The following TJP3 variants were observed in gnomAD, a reference collection of about 807,000 sequenced individuals.
The protein encoded by TJP3 is tight junction protein 3, also known as tight junction protein ZO-3.
TJP3 carries 85 observed loss-of-function variants against 104.2 expected under a neutral mutation model. The observed-to-expected ratio is 0.82, with a 90% confidence interval of 0.68 to 0.98. The LOEUF (loss-of-function observed/expected upper bound fraction) is 0.98. Ranked by LOEUF, TJP3 falls within the 50% of genes least tolerant of loss-of-function variation. TJP3 has a pLI of 0.00. For missense variants in TJP3, 1,367 were observed against 1,322.8 expected (o/e 1.03, Z -0.52); for synonymous variants, 550 against 550.6 (o/e 1.00, Z 0.02).
intron 1 of TJP3, among the ~76,000 whole-genome samples, chr19:3,721,353 A>G (rs970910579): frequency 1.3e-5 from 2 of 152,152 alleles, no homozygotes; most frequent in Non-Finnish European, 2.9e-5. Context: ...AATGGGGCAA[A>G]CCTTCCAGAG....
Position 3,747,955 on chromosome 19 carries a change from G to GT in TJP3, c.2484_2485insT (p.Pro829SerfsTer7). ...AGGGCTACACAGACGGCGAGGGGGGGCCCTACACGGATGTGGATGATGAGC... is the reference window on the plus strand; with the variant it reads ...AGGGCTACACAGACGGCGAGGGGGGGTCCCTACACGGATGTGGATGATGAGC... On this transcript the variant is annotated frameshift_variant, in exon 19 of 21. Transcript: ENST00000541714. LOFTEE classifies it high-confidence loss of function. The GT allele has an allele frequency of 1.2e-6, 2 of 1,612,964 alleles. No individual in the cohort carries two copies. Among genetic ancestry groups the GT allele is most frequent in the Non-Finnish European group, 1.7e-6 (2 of 1,179,848 alleles).
At chr19:3,741,146 G>A (rs1402280148) in intron 14 of TJP3, among the ~76,000 whole-genome samples, 1 of 151,790 alleles carries the variant, frequency 6.6e-6, no homozygotes, top group Non-Finnish European at 1.5e-5. Context: ...GATTACAGGC[G>A]CCCATCACCC....
intron 13 of TJP3, among the ~76,000 whole-genome samples, chr19:3,740,221 ACT>A (rs1183115215): frequency 1.3e-5 from 2 of 151,760 alleles, no homozygotes; most frequent in South Asian, 2.1e-4. Context: ...ACGGAGCGAG[ACT>A]CTATCTCAAA....
chr19:3,746,550 C>A lies in TJP3; in HGVS notation c.2076C>A (p.Tyr692Ter). The change falls in exon 17 of 21, where the codon TAC becomes TAA. Residue 692 changes from tyrosine to a stop codon, truncating the protein, a stop_gained. Coordinates refer to ENST00000541714, the MANE Select transcript of TJP3 (RefSeq NM_001267560.2). LOFTEE classifies it high-confidence loss of function. The surrounding 1 kb of genome is among the most constrained non-coding windows in gnomAD (Gnocchi z 4.1). ...AGCGCCTCAACTATGTGCAGTACTA[C>A]CCCATTGTGGTCTTCTTCATCCCCG... ...AIERLNYVQYYPIVVFFIPES... is the reference protein window; with the variant it reads ...AIERLNYVQY 1 of 1,614,122 alleles carries A rather than the reference C, an allele frequency of 6.2e-7. No individual in the cohort carries two copies. Among genetic ancestry groups the A allele is most frequent in the Non-Finnish European group, 8.5e-7 (1 of 1,180,042 alleles).
At chr19:3,717,940 G>A (rs1186913788) in intron 1 of TJP3, among the ~76,000 whole-genome samples, 1 of 150,932 alleles carries the variant, frequency 6.6e-6, no homozygotes, top group South Asian at 2.1e-4. Context: ...AAAAGGCCGG[G>A]CACGATGGCT....
intron 1 of TJP3, among the ~76,000 whole-genome samples, chr19:3,724,221 A>C (rs889770434): frequency 8.1e-5 from 12 of 149,020 alleles, no homozygotes; most frequent in African/African-American, 3.0e-4. Context: ...TTTGAGACGG[A>C]GTTTCCCTCT....
chr19:3,734,965 A>T (rs2036719931), intron 8 of TJP3, among the ~76,000 whole-genome samples: 1 of 151,924 alleles, frequency 6.6e-6, no homozygotes, highest in African/African-American at 2.4e-5. Context: ...AAAAAAAAAA[A>T]TTTCTTTTTC....
intron 1 of TJP3, among the ~76,000 whole-genome samples, chr19:3,714,036 C>T (rs968265361): frequency 1.4e-5 from 2 of 147,202 alleles, no homozygotes; most frequent in African/African-American, 5.0e-5. Flanking sequence ...ATTATTATTA[C>T]TATTATTTAA....
Position 3,730,228 on chromosome 19 carries a change from C to T in TJP3, c.261+98C>T. 1.3e-6 allele frequency: 2 copies of T among 1,521,264 alleles called. No individual in the cohort carries two copies. The highest frequency in any genetic ancestry group is 2.3e-5 in the East Asian group (1 of 43,898). 94.2% of individuals were successfully genotyped at this position (1,521,264 alleles called of 1,614,324 possible). A position where few individuals can be genotyped will look rare whatever the true frequency, so the allele number is the denominator to read the frequency against. On this transcript the variant is annotated intron_variant, in intron 4 of 20. Transcript: ENST00000541714. This position sits in a 1 kb window ranked among gnomAD's most constrained non-coding sequence, Gnocchi z 7.3. ...GCTTCTGAGAGCAAGGAGTCATCTT[C>T]TCATCTTACAGTTTGGACATTGAGG... is the stretch of plus-strand genomic sequence containing the variant.
chr19:3,722,865 G>GGGC lies in TJP3; in HGVS notation c.-9-5557_-9-5556insCGG, dbSNP rs1162197143. 2.1e-4 allele frequency among the ~76,000 whole-genome samples: 26 copies of GGGC among 124,300 alleles called. 2 individuals carry two copies. Among genetic ancestry groups the GGGC allele is most frequent in the Non-Finnish European group, 3.5e-4 (20 of 57,404 alleles). The allele number at this position is 124,300 out of a possible 152,430, so 81.5% of individuals were successfully genotyped here. ...CCTGGAGATGGGGTGGCGGGGGGGGGGGGCACAGGGGACGGCGGCCCGGGA... is the reference window on the plus strand; with the variant it reads ...CCTGGAGATGGGGTGGCGGGGGGGGGGGCGGGCACAGGGGACGGCGGCCCGGGA... On this transcript the variant is annotated intron_variant, in intron 1 of 20. Coordinates refer to ENST00000541714, the MANE Select transcript of TJP3 (RefSeq NM_001267560.2).
At chr19:3,725,740 C>T (rs1238021557) in intron 1 of TJP3, among the ~76,000 whole-genome samples, 2 of 151,794 alleles carry the variant, frequency 1.3e-5, no homozygotes, top group Non-Finnish European at 2.9e-5. Context: ...ATTATTTGGC[C>T]ACCACCTCCC....
At position 3,719,614 on chromosome 19, in the gene TJP3, T is replaced by C. The variant is rs527677255; in HGVS notation, c.-9-8810T>C. Among the ~76,000 whole-genome samples the C allele has an allele frequency of 4.0e-5, 6 of 151,142 alleles. 1 individual carries two copies. The highest frequency in any genetic ancestry group is 3.3e-4 in the Admixed American group (5 of 15,054). ...AGCCAGGCGTGGTGGCGGGTGCCTGTAGTCCCAGCTACTCGGGAGGCTGAG... is the reference window on the plus strand; with the variant it reads ...AGCCAGGCGTGGTGGCGGGTGCCTGCAGTCCCAGCTACTCGGGAGGCTGAG... On this transcript the variant is annotated intron_variant, in intron 1 of 20. Transcript: ENST00000541714.
Position 3,729,136 on chromosome 19 carries a change from G to C in TJP3, c.158+423G>C, listed in dbSNP as rs1479176212. ...GTCAACACAGGGCTCGGACTTGGCA[G>C]TAGGACAGTGTCAGAGACTTGGGCC... On this transcript the variant is annotated intron_variant, in intron 3 of 20. Transcript: ENST00000541714. Among the ~76,000 whole-genome samples the C allele has an allele frequency of 2.6e-5, 4 of 152,210 alleles. 1 individual carries two copies. Among genetic ancestry groups the C allele is most frequent in the African/African-American group, 9.6e-5 (4 of 41,456 alleles).
intron 14 of TJP3, among the ~76,000 whole-genome samples, chr19:3,742,231 T>C (rs1350044808): frequency 1.3e-5 from 2 of 151,562 alleles, no homozygotes; most frequent in Non-Finnish European, 2.9e-5. Flanking sequence ...CCCAGGAGTC[T>C]GGGACCAGCC....
At chr19:3,717,973 A>T (rs1002573282) in intron 1 of TJP3, among the ~76,000 whole-genome samples, 10 of 149,886 alleles carry the variant, frequency 6.7e-5, no homozygotes, top group South Asian at 6.4e-4. Context: ...CCCAGCACTT[A>T]GGGAGGCCGA....
rs530317677 is a variant in TJP3, at chr19:3,747,613, C to T, written c.2323-181C>T. ...CAGCTTGGATTTGGGGGCTGAGCCT[C>T]TCAGGTGAAGGGTCAATGGATACAA... On this transcript the variant is annotated intron_variant, in intron 18 of 20. Transcript: ENST00000541714. Among the ~76,000 whole-genome samples, 12 of 152,346 alleles carry T rather than the reference C, an allele frequency of 7.9e-5. No homozygotes were observed. In the East Asian group the frequency reaches 2.3e-3, roughly 29 times the overall value.
At chr19:3,729,772 ACT>A (rs2036643666) in intron 3 of TJP3, among the ~76,000 whole-genome samples, 1 of 121,976 alleles carries the variant, frequency 8.2e-6, no homozygotes, top group Non-Finnish European at 1.7e-5. Context: ...ACAGAGTGAG[ACT>A]CTGTCTCAAA....
chr19:3,738,357 C>T (rs2036765111), intron 11 of TJP3, among the ~76,000 whole-genome samples, 198 bp from the exon 12 acceptor site: 1 of 152,182 alleles, frequency 6.6e-6, no homozygotes, highest in East Asian at 1.9e-4. Context: ...CCTTACAATG[C>T]CACCAGCTGT....
In TJP3 at chr19:3,746,434, G is replaced by C. The variant is rs747636346; in HGVS notation, c.2011-51G>C. ...TTCATCTTTCTATCTTTCTCTCTCT[G>C]TTTACCCTGCTGCAATCCCCCTCAC... On this transcript the variant is annotated intron_variant, in intron 16 of 20. Coordinates refer to ENST00000541714, the MANE Select transcript of TJP3 (RefSeq NM_001267560.2). The surrounding 1 kb of genome is among the most constrained non-coding windows in gnomAD (Gnocchi z 4.1). The C allele has an allele frequency of 4.2e-5, 66 of 1,588,846 alleles. No homozygotes were observed. The highest frequency in any genetic ancestry group is 5.3e-5 in the Non-Finnish European group (62 of 1,160,084).
Sources: allele counts gnomAD v4.1 joint callset (sites outside exome capture counted in the v4.1 genomes callset), GRCh38; gene constraint gnomAD v4.1.1; non-coding constraint Gnocchi (gnomAD v3.1); transcripts MANE v1.5; gene names NCBI Gene and HGNC (gene_info 2026-07-23, HGNC 2026-07-21).